The following SLC39A11 variants were observed in gnomAD, a reference collection of about 807,000 sequenced individuals.
SLC39A11 encodes the protein zinc transporter ZIP11.
SLC39A11 carries 33 observed loss-of-function variants against 36.1 expected under a neutral mutation model. That is an observed-to-expected ratio of 0.91 (90% CI 0.69 to 1.22). SLC39A11 has a LOEUF of 1.22. Among genes scored for constraint, SLC39A11 ranks in the 50% most tolerant of loss-of-function variants. SLC39A11 has a pLI of 0.00. For synonymous variants in SLC39A11, 166 were observed against 170.3 expected, an observed-to-expected ratio of 0.97 and a Z score of 0.20; for missense variants, 432 against 430.3, an observed-to-expected ratio of 1.00 and a Z score of -0.03.
chr17:72,986,678 G>A (rs565863213), intron 4 of SLC39A11, among the ~76,000 whole-genome samples: 30 of 152,250 alleles, frequency 2.0e-4, no homozygotes, highest in East Asian at 3.9e-4. Context: ...ACAGGCTCCC[G>A]GGGTGAACCG....
intron 6 of SLC39A11, among the ~76,000 whole-genome samples, chr17:72,789,130 G>A (rs1598742209): frequency 6.6e-6 from 1 of 151,868 alleles, no homozygotes; most frequent in Admixed American, 6.6e-5. Context: ...TGCCTCCCGG[G>A]TCCAAGCGAT....
chr17:72,893,872 C>A (rs1403329083), intron 5 of SLC39A11, among the ~76,000 whole-genome samples: 2 of 152,056 alleles, frequency 1.3e-5, no homozygotes, highest in African/African-American at 4.8e-5. Flanking sequence ...ACTTACCACC[C>A]CAATAAAAAT....
Position 72,713,905 on chromosome 17 carries a change from A to G in SLC39A11, c.671+22745T>C, listed in dbSNP as rs116940489. Among the ~76,000 whole-genome samples, 11 of 152,310 alleles carry G rather than the reference A, an allele frequency of 7.2e-5. No individual in the cohort carries two copies. The East Asian group carries it at 2.1e-3, about 29-fold the overall frequency. ...TCATAGGCCCATTATACAGATTTTA[A>G]AAAAGCAAACTGAGGCCCAGAGAAG... On this transcript the variant is annotated intron_variant, in intron 7 of 9. Coordinates refer to ENST00000255559, the MANE Select transcript of SLC39A11 (RefSeq NM_139177.4).
At position 72,849,809 on chromosome 17, in the gene SLC39A11, G is replaced by GTA; in HGVS notation, c.431-6_431-5insTA. 1 of 1,370,064 alleles carries GTA rather than the reference G, an allele frequency of 7.3e-7. No homozygotes were observed. The highest frequency in any genetic ancestry group is 9.3e-7 in the Non-Finnish European group (1 of 1,076,496). 84.9% of individuals were successfully genotyped at this position (1,370,064 alleles called of 1,614,324 possible). On this transcript the variant is annotated splice_polypyrimidine_tract_variant and splice_region_variant and intron_variant, in intron 5 of 9. Coordinates refer to ENST00000255559, the MANE Select transcript of SLC39A11 (RefSeq NM_139177.4). ...CCTCACCATTCTCACTCTTGTCTGA[G>GTA]CAAAAAAAAAAAAAAAGAGAGATGG...
At position 72,972,789 on chromosome 17, in the gene SLC39A11, G is replaced by A. The variant is rs547089683; in HGVS notation, c.307-24914C>T. ...TTAGAAACAGGATATTGCTCTGCCC[G>A]TGGAAATCACTGTGGTCATCACATT... On this transcript the variant is annotated intron_variant, in intron 4 of 9. Coordinates refer to ENST00000255559, the MANE Select transcript of SLC39A11 (RefSeq NM_139177.4). Among the ~76,000 whole-genome samples, 17 of 152,272 alleles carry A rather than the reference G, an allele frequency of 1.1e-4. No individual in the cohort carries two copies. In the South Asian group the frequency reaches 3.1e-3, roughly 28 times the overall value.
intron 7 of SLC39A11, among the ~76,000 whole-genome samples, chr17:72,727,686 T>C (rs115197592): frequency 2.9e-4 from 43 of 149,294 alleles, no homozygotes; most frequent in Middle Eastern, 3.5e-3. Flanking sequence ...AGAAGCAAGC[T>C]GTGTTTCCCT....
intron 4 of SLC39A11, among the ~76,000 whole-genome samples, chr17:73,011,469 C>T (rs1450451032): frequency 6.6e-6 from 1 of 152,138 alleles, no homozygotes; most frequent in Non-Finnish European, 1.5e-5. Flanking sequence ...GCGTGGGATA[C>T]TCTGGGGGCC....
intron 7 of SLC39A11, among the ~76,000 whole-genome samples, chr17:72,677,973 C>G (rs1041147965): frequency 1.3e-5 from 2 of 152,188 alleles, no homozygotes; most frequent in African/African-American, 4.8e-5. Context: ...AGTTTGAATA[C>G]CAAGCTTAAC....
chr17:73,007,494 G>C (rs985054665), intron 4 of SLC39A11, among the ~76,000 whole-genome samples: 2 of 152,178 alleles, frequency 1.3e-5, no homozygotes, highest in Non-Finnish European at 1.5e-5. Flanking sequence ...AATGACAATG[G>C]CCAAAACCTG....
intron 4 of SLC39A11, among the ~76,000 whole-genome samples, chr17:72,963,902 G>GA (rs993729938): frequency 1.8e-4 from 27 of 151,988 alleles, no homozygotes; most frequent in African/African-American, 2.4e-5. Flanking sequence ...CAAATCAGAA[G>GA]AAAAAATAAC....
At chr17:72,967,935 C>A (rs529836929) in intron 4 of SLC39A11, among the ~76,000 whole-genome samples, 1 of 152,284 alleles carries the variant, frequency 6.6e-6, no homozygotes, top group African/African-American at 2.4e-5. Context: ...TCGGTTGTTA[C>A]AATTGTCTAC....
At chr17:72,836,551 G>C (rs1477603805) in intron 6 of SLC39A11, among the ~76,000 whole-genome samples, 1 of 152,064 alleles carries the variant, frequency 6.6e-6, no homozygotes, top group Non-Finnish European at 1.5e-5. Flanking sequence ...ACGTTGCCCA[G>C]GCTGGTCTTG....
intron 3 of SLC39A11, among the ~76,000 whole-genome samples, chr17:73,059,396 T>C (rs2059768708): frequency 6.6e-6 from 1 of 152,222 alleles, no homozygotes; most frequent in Non-Finnish European, 1.5e-5. Flanking sequence ...CCAGGCATAG[T>C]GGCTCACGCC....
intron 6 of SLC39A11, among the ~76,000 whole-genome samples, chr17:72,825,737 G>T (rs2078003856): frequency 6.6e-6 from 1 of 152,238 alleles, no homozygotes; most frequent in Admixed American, 6.5e-5. Flanking sequence ...CATGGAGTTA[G>T]AGATTATTTT....
At chr17:72,780,539 C>A (rs1467568387) in intron 6 of SLC39A11, among the ~76,000 whole-genome samples, 4 of 143,916 alleles carry the variant, frequency 2.8e-5, no homozygotes, top group Admixed American at 1.4e-4. Context: ...GGTGGGGGCA[C>A]AACTGTGTGT....
chr17:72,776,360 TAA>T (rs546859959), intron 6 of SLC39A11, among the ~76,000 whole-genome samples: 70 of 152,224 alleles, frequency 4.6e-4, no homozygotes, highest in Non-Finnish European at 8.7e-4. Flanking sequence ...ACTCTCCTAA[TAA>T]ATTGTTTTGC....
chr17:73,073,566 A>G (rs544394066), intron 3 of SLC39A11: 1 of 152,314 alleles, frequency 6.6e-6, no homozygotes, highest in African/African-American at 2.4e-5. Context: ...ATTGCGTACC[A>G]GTGCAGAACA....
chr17:72,750,068 CA>C (rs1477765155), intron 6 of SLC39A11, among the ~76,000 whole-genome samples: 1 of 152,156 alleles, frequency 6.6e-6, no homozygotes, highest in East Asian at 1.9e-4. Context: ...GGGCAAGGCA[CA>C]AGCCAGATGG....
chr17:73,045,150 T>C (rs2059237910), intron 3 of SLC39A11, among the ~76,000 whole-genome samples: 1 of 151,906 alleles, frequency 6.6e-6, no homozygotes, highest in Admixed American at 6.6e-5. Context: ...AGTCACTAAG[T>C]ACCTGACAAG....
Sources: allele counts gnomAD v4.1 joint callset (sites outside exome capture counted in the v4.1 genomes callset), GRCh38; gene constraint gnomAD v4.1.1; transcripts MANE v1.5; gene names NCBI Gene and HGNC (gene_info 2026-07-23, HGNC 2026-07-21).